XPO5: variants seen among roughly 807,000 people sequenced by gnomAD.
The protein encoded by XPO5 is exportin 5.
In XPO5, 46 loss-of-function variants were observed where a neutral mutation model predicts 160.6. That is an observed-to-expected ratio of 0.29 (90% CI 0.23 to 0.37). The LOEUF is 0.37. XPO5 is among the 10% of genes least tolerant of loss of function. XPO5 has a pLI of 1.00. For missense variants in XPO5, 1,090 were observed against 1,463.9 expected (o/e 0.74, Z 4.17); for synonymous variants, 537 against 519.3 (o/e 1.03, Z -0.46).
chr6:43,527,386 C>T (rs895004271), intron 26 of XPO5: 1 of 326,790 alleles, frequency 3.1e-6, no homozygotes, highest in Middle Eastern at 9.7e-4. Flanking sequence ...ATTCTCCTAC[C>T]TCAGCCTCCT....
At chr6:43,530,020 T>A (rs182270310) in intron 23 of XPO5, among the ~76,000 whole-genome samples, 1 of 152,118 alleles carries the variant, frequency 6.6e-6, no homozygotes, top group Admixed American at 6.5e-5. Flanking sequence ...TTTGGGAGGC[T>A]GAGGCAGGCG....
intron 12 of XPO5, among the ~76,000 whole-genome samples, chr6:43,557,127 CAAAAA>C (rs58974895): frequency 1.6e-5 from 1 of 61,080 alleles, no homozygotes; most frequent in African/African-American, 5.4e-5. Flanking sequence ...GACTCCATCT[CAAAAA>C]AAAAAAAAAA....
chr6:43,571,135 C>A, intron 3 of XPO5, 141 bp from the exon 4 acceptor site: 3 of 858,516 alleles, frequency 3.5e-6, no homozygotes, highest in South Asian at 3.6e-5. Flanking sequence ...TGTTCTTCAG[C>A]CTGAGTCACT....
At chr6:43,568,653 G>T in intron 6 of XPO5, 58 bp downstream of exon 6, 1 of 1,417,964 alleles carries the variant, frequency 7.1e-7, no homozygotes, top group Non-Finnish European at 9.5e-7. Flanking sequence ...CTAGGGGCAC[G>T]TATCCCCTCA....
intron 20 of XPO5, among the ~76,000 whole-genome samples, chr6:43,535,761 C>T (rs1161053680): frequency 6.8e-6 from 1 of 147,140 alleles, no homozygotes; most frequent in Non-Finnish European, 1.5e-5. Context: ...TTGCAATGAG[C>T]TGAAATCGCG....
chr6:43,573,106 G>A (rs114226616), intron 2 of XPO5, among the ~76,000 whole-genome samples: 2 of 152,136 alleles, frequency 1.3e-5, no homozygotes, highest in Non-Finnish European at 2.9e-5. Flanking sequence ...CACAAACTCA[G>A]AAAGACAGAG....
rs1762653143 is a variant in XPO5, at chr6:43,565,533, C to G, written c.911+127G>C. 4 of 836,920 alleles carry G rather than the reference C, an allele frequency of 4.8e-6. No homozygotes were observed. The South Asian group carries it at 8.0e-5, about 17-fold the overall frequency. The allele number at this position is 836,920 out of a possible 1,614,324, so 51.8% of individuals were successfully genotyped here. A position where few individuals can be genotyped will look rare whatever the true frequency, so the allele number is the denominator to read the frequency against. ...TGAGCCAAGATCGCGCCACTGCACT[C>G]CAGCCTGGGTGACAGAGCGAGATCC... On this transcript the variant is annotated intron_variant, in intron 8 of 31. Coordinates refer to ENST00000265351, the MANE Select transcript of XPO5 (RefSeq NM_020750.3).
chr6:43,556,891 G>A (rs534481010), intron 12 of XPO5, among the ~76,000 whole-genome samples: 2 of 151,628 alleles, frequency 1.3e-5, no homozygotes, highest in South Asian at 2.1e-4. Flanking sequence ...ACTTTGGGAC[G>A]CCAAGGCAGG....
Position 43,549,915 on chromosome 6 carries a change from A to T in XPO5, c.1748T>A (p.Phe583Tyr). Reference protein sequence around the residue: ...VFSKLFSSVTFETVEESKAPR... With the variant: ...VFSKLFSSVTYETVEESKAPR... ...TACCTTACTTTCTTCAACAGTTTCA[A>T]AAGTGACAGATGAAAATAGCTAAGG... is the stretch of plus-strand genomic sequence containing the variant. The change falls in exon 16 of 32, where the codon TTT becomes TAT. Residue 583 changes from phenylalanine (F) to tyrosine (Y), a missense_variant. Around this residue, in one of 3 missense-constraint regions of XPO5, gnomAD observed 810 missense variants for 1,139.0 expected, o/e 0.71. Coordinates refer to ENST00000265351, the MANE Select transcript of XPO5 (RefSeq NM_020750.3). 1.2e-6 allele frequency: 2 copies of T among 1,612,266 alleles called. No individual in the cohort carries two copies. The highest frequency in any genetic ancestry group is 8.5e-7 in the Non-Finnish European group (1 of 1,179,034).
At chr6:43,551,634 C>T (rs971145982) in intron 14 of XPO5, among the ~76,000 whole-genome samples, 181 bp from the exon 15 acceptor site, 2 of 152,210 alleles carry the variant, frequency 1.3e-5, no homozygotes, top group Non-Finnish European at 2.9e-5. Context: ...AAGGGATCCT[C>T]CTGCCTTAGC....
rs1762963714 is a variant in XPO5 at position 43,570,612 on chromosome 6, G to A, written c.511C>T (p.Pro171Ser). 1 of 1,613,778 alleles carries A rather than the reference G, an allele frequency of 6.2e-7. No individual in the cohort carries two copies. Among genetic ancestry groups the A allele is most frequent in the South Asian group, 1.1e-5 (1 of 91,068 alleles). The change falls in exon 5 of 32, where the codon CCC becomes TCC. Residue 171 changes from proline (P) to serine (S), a missense_variant. Pro to Ser is a moderately conservative substitution (Grantham distance 74). Coordinates refer to ENST00000265351, the MANE Select transcript of XPO5 (RefSeq NM_020750.3). The stretch of plus-strand genomic sequence containing the variant: ...TGGATGTCCCTTCTTCTTTGAGGGG[G>A]AAGTGTCTGAAAAGTCACTACATCC... ...AEDVVTFQTLPPQRRRDIQQT... is the reference protein window; with the variant it reads ...AEDVVTFQTLSPQRRRDIQQT...
At chr6:43,529,376 A>C in intron 23 of XPO5, 2 of 235,244 alleles carry the variant, frequency 8.5e-6, no homozygotes, top group Admixed American at 5.7e-5. Context: ...CCCCGTCTCT[A>C]CTAAAAAAAA....
At chr6:43,555,352 A>G (rs1448318205) in intron 13 of XPO5, 1 of 154,184 alleles carries the variant, frequency 6.5e-6, no homozygotes, top group East Asian at 1.9e-4. Context: ...GAGGGGGATT[A>G]TTCTGAATTT....
rs1366692148 is a variant in XPO5, at chr6:43,567,153, T to A, written c.834+16A>T. On this transcript the variant is annotated intron_variant, in intron 7 of 31. Transcript: ENST00000265351. ...TTCAGAGACTGAGGATAAGTCAGTT[T>A]GAAGTGGTAACTTACTTTTCTGCTG... The A allele has an allele frequency of 5.0e-6, 8 of 1,604,386 alleles. No individual in the cohort carries two copies. Among genetic ancestry groups the A allele is most frequent in the Admixed American group, 1.7e-5 (1 of 58,772 alleles).
chr6:43,561,348 A>C (rs1762405320), intron 9 of XPO5: 1 of 223,858 alleles, frequency 4.5e-6, no homozygotes, highest in African/African-American at 2.3e-5. Flanking sequence ...TCTGTGTCCC[A>C]ACCTATTACC....
intron 26 of XPO5, chr6:43,527,014 C>T (rs1161956747): frequency 2.4e-6 from 1 of 420,084 alleles, no homozygotes; most frequent in Non-Finnish European, 4.4e-6. Context: ...CTTGATACAT[C>T]CCTGGTCTAC....
At position 43,530,833 on chromosome 6, in the gene XPO5, G is replaced by A. The variant is rs1443194029; in HGVS notation, c.2541-9C>T. 1.2e-6 allele frequency: 2 copies of A among 1,600,462 alleles called. No individual in the cohort carries two copies. Among genetic ancestry groups the A allele is most frequent in the East Asian group, 2.2e-5 (1 of 44,724 alleles). Reference sequence around the variant, plus strand: ...TCCCTAGGATATGAAAACTGTAAAGGGGAAAAAAAGAGCATTGAAAATGAC... The same window carrying A: ...TCCCTAGGATATGAAAACTGTAAAGAGGAAAAAAAGAGCATTGAAAATGAC... On this transcript the variant is annotated splice_polypyrimidine_tract_variant and intron_variant, in intron 22 of 31. Coordinates refer to ENST00000265351, the MANE Select transcript of XPO5 (RefSeq NM_020750.3).
chr6:43,566,740 G>GCGGA, intron 7 of XPO5: 1 of 255,502 alleles, frequency 3.9e-6, no homozygotes, highest in South Asian at 3.6e-5. Flanking sequence ...AACCCGGAAG[G>GCGGA]CGGACGTTGC....
chr6:43,571,168 C>G (rs924176553), intron 3 of XPO5, among the ~76,000 whole-genome samples, 174 bp from the exon 4 acceptor site: 1 of 152,202 alleles, frequency 6.6e-6, no homozygotes, highest in East Asian at 1.9e-4. Flanking sequence ...TTGCTAATCA[C>G]TCTTCCGCTT....
Sources: allele counts gnomAD v4.1 joint callset (sites outside exome capture counted in the v4.1 genomes callset), GRCh38; gene constraint gnomAD v4.1.1; regional missense constraint gnomAD v4.1.1; transcripts MANE v1.5; gene names NCBI Gene and HGNC (gene_info 2026-07-23, HGNC 2026-07-21).